The following ZDHHC21 variants were observed in gnomAD, a reference collection of about 807,000 sequenced individuals.
ZDHHC21 encodes the protein zDHHC palmitoyltransferase 21.
ZDHHC21 carries 15 observed loss-of-function variants against 34.6 expected under a neutral mutation model. The ratio of observed to expected loss-of-function variants is 0.43; its 90% CI spans 0.29 to 0.67. ZDHHC21 has a LOEUF of 0.67. ZDHHC21 is among the 30% of genes least tolerant of loss of function. The pLI is 0.14. For synonymous variants in ZDHHC21, 142 were observed against 101.8 expected, an observed-to-expected ratio of 1.40 and a Z score of -2.38; for missense variants, 344 against 327.7, an observed-to-expected ratio of 1.05 and a Z score of -0.38.
At chr9:14,622,806 G>C (rs1172252979) in intron 8 of ZDHHC21, 1 of 898,318 alleles carries the variant, frequency 1.1e-6, no homozygotes, top group Non-Finnish European at 1.3e-6. Context: ...TTTCAAAATG[G>C]AGTTTCTAGA....
chr9:14,680,668 C>A (rs1837214054), intron 2 of ZDHHC21, among the ~76,000 whole-genome samples: 1 of 152,088 alleles, frequency 6.6e-6, no homozygotes, highest in Non-Finnish European at 1.5e-5. Flanking sequence ...CTGTATATAA[C>A]ATATACTAAT....
the ZDHHC21 span, among the ~76,000 whole-genome samples, chr9:14,597,584 G>A: frequency 6.6e-6 from 1 of 152,228 alleles, no homozygotes; most frequent in East Asian, 1.9e-4. Context: ...CCAGTGCCAC[G>A]CAGAGGCCTG....
chr9:14,637,026 T>G (rs915394647), intron 8 of ZDHHC21, among the ~76,000 whole-genome samples: 1 of 150,654 alleles, frequency 6.6e-6, no homozygotes, highest in African/African-American at 2.4e-5. Context: ...AAACCGAAAA[T>G]TAGTAGAAGG....
At chr9:14,599,033 G>T in the ZDHHC21 span, among the ~76,000 whole-genome samples, 5 of 152,278 alleles carry the variant, frequency 3.3e-5, no homozygotes, top group East Asian at 5.8e-4. Flanking sequence ...AAAGTGCTAG[G>T]ATTACAGATG....
At chr9:14,663,519 A>G (rs1414276435) in intron 5 of ZDHHC21, among the ~76,000 whole-genome samples, 6 of 131,864 alleles carry the variant, frequency 4.6e-5, no homozygotes, top group Non-Finnish European at 8.2e-5. Flanking sequence ...ACCAATATTG[A>G]TATTTTTATT....
rs3209160 is a variant in ZDHHC21, at chr9:14,618,318, G to C, written c.*648C>G. 14,401 of 152,486 alleles carry C rather than the reference G, an allele frequency of 0.094. 859 individuals are homozygous for C. The highest frequency in any genetic ancestry group is 0.14 in the Non-Finnish European group (9,691 of 67,924). The allele number at this position is 152,486 out of a possible 1,614,324, so 9.4% of individuals were successfully genotyped here. A position where few individuals can be genotyped will look rare whatever the true frequency, so the allele number is the denominator to read the frequency against. ...TTAACATTTCCTTTATAGTAAGGTA[G>C]GTAGTTGGTGTTTTACTTCAGTGGT... On this transcript the variant is annotated 3_prime_UTR_variant, in exon 10 of 10. Coordinates refer to ENST00000380916, the MANE Select transcript of ZDHHC21 (RefSeq NM_178566.6).
chr9:14,606,085 TAA>T (rs1311297750), downstream of ZDHHC21, among the ~76,000 whole-genome samples: 2 of 152,174 alleles, frequency 1.3e-5, no homozygotes, highest in African/African-American at 4.8e-5. Flanking sequence ...GAAGTCATAA[TAA>T]AAAGTACTAA....
At chr9:14,601,927 A>G in the ZDHHC21 span, among the ~76,000 whole-genome samples, 30 of 152,220 alleles carry the variant, frequency 2.0e-4, no homozygotes, top group African/African-American at 5.5e-4. Flanking sequence ...GTTCTCACTC[A>G]TAAGTGGGAG....
the ZDHHC21 span, among the ~76,000 whole-genome samples, chr9:14,600,222 G>C: frequency 4.6e-5 from 7 of 152,328 alleles, no homozygotes; most frequent in Middle Eastern, 3.4e-3. Flanking sequence ...CATTGTCTCT[G>C]TTTGCAGATG....
At chr9:14,591,836 C>T in the ZDHHC21 span, among the ~76,000 whole-genome samples, 1 of 152,058 alleles carries the variant, frequency 6.6e-6, no homozygotes, top group African/African-American at 2.4e-5. Context: ...TATTTCTTAG[C>T]TTAAAATCTA....
the ZDHHC21 span, among the ~76,000 whole-genome samples, chr9:14,604,283 C>A: frequency 1.8e-3 from 281 of 152,228 alleles, 4 homozygotes; most frequent in African/African-American, 6.4e-3. Flanking sequence ...AAATAATCCA[C>A]TTAGTGAATA....
intron 8 of ZDHHC21, among the ~76,000 whole-genome samples, chr9:14,630,839 A>G (rs1337926957): frequency 6.6e-6 from 1 of 152,236 alleles, no homozygotes; most frequent in Non-Finnish European, 1.5e-5. Flanking sequence ...CCTGAGCAGT[A>G]GTTCTCAATA....
At chr9:14,655,869 A>AATG (rs35335939) in intron 7 of ZDHHC21, among the ~76,000 whole-genome samples, 143,380 of 151,526 alleles carry the variant, frequency 0.95, 67,867 homozygotes, top group Non-Finnish European at 0.96. Flanking sequence ...ATAATTTTTT[A>AATG]ATGAAATATC....
Position 14,617,772 on chromosome 9 carries a change from A to G in ZDHHC21, c.*1194T>C, listed in dbSNP as rs1016391769. ...AGGCTAATGATAAACACAGATCATT[A>G]TATTTTCTTATTTTAGGTTCACTTC... is the stretch of plus-strand genomic sequence containing the variant. On this transcript the variant is annotated 3_prime_UTR_variant, in exon 10 of 10. Transcript: ENST00000380916. 3.3e-5 allele frequency: 5 copies of G among 151,998 alleles called. No individual in the cohort carries two copies. Among genetic ancestry groups the G allele is most frequent in the African/African-American group, 1.2e-4 (5 of 41,434 alleles). 9.4% of individuals were successfully genotyped at this position (151,998 alleles called of 1,614,324 possible).
intron 5 of ZDHHC21, among the ~76,000 whole-genome samples, chr9:14,672,412 G>A (rs797003127): frequency 1.3e-4 from 20 of 152,018 alleles, no homozygotes; most frequent in African/African-American, 4.3e-4. Flanking sequence ...CCCCAGATTC[G>A]TAACAAAGGT....
intron 7 of ZDHHC21, among the ~76,000 whole-genome samples, chr9:14,646,353 G>T (rs1830277880): frequency 6.6e-6 from 1 of 151,740 alleles, no homozygotes; most frequent in East Asian, 1.9e-4. Flanking sequence ...CAATATAAAA[G>T]GTACAAAAAG....
At chr9:14,645,938 T>C (rs1830211458) in intron 7 of ZDHHC21, among the ~76,000 whole-genome samples, 1 of 152,128 alleles carries the variant, frequency 6.6e-6, no homozygotes. Context: ...GCCATCAGAA[T>C]TCATATACTC....
intron 5 of ZDHHC21, among the ~76,000 whole-genome samples, chr9:14,663,514 T>C (rs1297374876): frequency 1.3e-5 from 2 of 150,236 alleles, no homozygotes; most frequent in African/African-American, 2.5e-5. Context: ...TTTTTACCAA[T>C]ATTGATATTT....
intron 7 of ZDHHC21, among the ~76,000 whole-genome samples, chr9:14,646,037 G>A (rs1210689324): frequency 1.3e-5 from 2 of 152,104 alleles, no homozygotes; most frequent in Admixed American, 1.3e-4. Context: ...TCGAACACCA[G>A]CACTTCTCGC....
Sources: allele counts gnomAD v4.1 joint callset (sites outside exome capture counted in the v4.1 genomes callset), GRCh38; gene constraint gnomAD v4.1.1; transcripts MANE v1.5; gene names NCBI Gene and HGNC (gene_info 2026-07-23, HGNC 2026-07-21).